Variants in NBEAL1 observed in about 807,000 individuals in gnomAD.
NBEAL1 encodes neurobeachin-like protein 1.
Under a neutral mutation model 351.3 loss-of-function variants are expected in NBEAL1, and 273 were observed. That is an observed-to-expected ratio of 0.78 (90% CI 0.70 to 0.86). The LOEUF (loss-of-function observed/expected upper bound fraction) is 0.86. Ranked by LOEUF, NBEAL1 falls within the 40% of genes least tolerant of loss-of-function variation. NBEAL1 has a pLI of 0.00. For missense variants in NBEAL1, 2,961 were observed against 3,201.3 expected, an observed-to-expected ratio of 0.92 and a Z score of 1.81; for synonymous variants, 1,050 against 1,086.4, an observed-to-expected ratio of 0.97 and a Z score of 0.66.
chr2:203,200,314 C>T (rs1260600316), intron 49 of NBEAL1, among the ~76,000 whole-genome samples: 1 of 152,130 alleles, frequency 6.6e-6, no homozygotes, highest in African/African-American at 2.4e-5. Context: ...AGATCGAGAC[C>T]ATCTTGGCTA....
intron 2 of NBEAL1, among the ~76,000 whole-genome samples, chr2:203,030,446 A>T (rs982637560): frequency 6.6e-6 from 1 of 152,152 alleles, no homozygotes; most frequent in Admixed American, 6.5e-5. Context: ...CCCCAGAGTA[A>T]GTGATCAAAT....
At chr2:203,099,221 A>G (rs1459997636) in intron 11 of NBEAL1, among the ~76,000 whole-genome samples, 1 of 151,618 alleles carries the variant, frequency 6.6e-6, no homozygotes, top group African/African-American at 2.4e-5. Context: ...GGTTGCAGTG[A>G]GCCGAGATTG....
intron 42 of NBEAL1, among the ~76,000 whole-genome samples, chr2:203,177,329 G>T (rs962111936): frequency 6.7e-6 from 1 of 148,864 alleles, no homozygotes; most frequent in Non-Finnish European, 1.5e-5. Context: ...GAGCCCAGGA[G>T]TTCAAGTTCA....
intron 3 of NBEAL1, among the ~76,000 whole-genome samples, chr2:203,048,855 A>T (rs1237881999): frequency 5.3e-5 from 8 of 150,216 alleles, no homozygotes; most frequent in Non-Finnish European, 1.0e-4. Context: ...TCTTCTGTTG[A>T]TGCCCATGCT....
intron 11 of NBEAL1, 120 bp from the exon 12 acceptor site, chr2:203,099,509 A>G (rs1295140062): frequency 1.7e-6 from 1 of 588,566 alleles, no homozygotes; most frequent in Non-Finnish European, 3.0e-6. Context: ...TTTCATCAGA[A>G]GAGGAATGTA....
intron 53 of NBEAL1, among the ~76,000 whole-genome samples, chr2:203,210,187 A>AC (rs1420251661): frequency 6.6e-6 from 1 of 150,994 alleles, no homozygotes; most frequent in Non-Finnish European, 1.5e-5. Context: ...ACATGGTGAA[A>AC]CCCCATCTCT....
intron 24 of NBEAL1, among the ~76,000 whole-genome samples, chr2:203,128,481 A>G (rs955301702): frequency 2.6e-5 from 4 of 152,180 alleles, no homozygotes; most frequent in African/African-American, 9.6e-5. Flanking sequence ...CCAATTAGCT[A>G]GAAAATTTAA....
At chr2:203,188,867 T>TA (rs1041467386) in intron 45 of NBEAL1, among the ~76,000 whole-genome samples, 1 of 152,232 alleles carries the variant, frequency 6.6e-6, no homozygotes, top group African/African-American at 2.4e-5. Context: ...TATTCAGTAT[T>TA]AAACAGTAGC....
Position 203,041,803 on chromosome 2 carries a change from T to C in NBEAL1, c.90T>C (p.Phe30=), listed in dbSNP as rs1197572596. 1 of 1,554,278 alleles carries C rather than the reference T, an allele frequency of 6.4e-7. No individual in the cohort carries two copies. The highest frequency in any genetic ancestry group is 1.2e-5 in the South Asian group (1 of 84,352). ...PDYLKLWLDT[F]VSSYEQFLDV... Reference sequence around the variant, plus strand: ...ACCTGAAGCTGTGGTTGGACACTTTTGTTTCTAGCTATGAACAATTTTTAG... The same window carrying C: ...ACCTGAAGCTGTGGTTGGACACTTTCGTTTCTAGCTATGAACAATTTTTAG... Residue 30 remains phenylalanine (F), a synonymous_variant, in exon 3 of 56, where the codon TTT becomes TTC. Transcript: ENST00000683969.
At position 203,180,454 on chromosome 2, in the gene NBEAL1, T is replaced by G; in HGVS notation, c.6537T>G (p.Asp2179Glu). The G allele has an allele frequency of 6.2e-7, 1 of 1,611,652 alleles. No individual in the cohort carries two copies. Among genetic ancestry groups the G allele is most frequent in the Non-Finnish European group, 8.5e-7 (1 of 1,178,236 alleles). ...TWQALMDNPY[D>E]VKELIPEFFY... ...AAGCTCTTATGGATAATCCATATGA[T>G]GTTAAAGAACTTATTCCTGAATTCT... The change falls in exon 43 of 56, where the codon GAT becomes GAG. Residue 2179 changes from aspartate (D) to glutamate (E), a missense_variant. Transcript: ENST00000683969.
chr2:203,132,101 T>A lies in NBEAL1; in HGVS notation c.3693T>A (p.Ile1231=), dbSNP rs1299020131. ...AAGCACTTGTTAATACTTCTCTTAT[T>A]AAAAACCTCACCCATCAAATCATAA... ...LNEALVNTSL[I]KNLTHQIINT... Residue 1231 remains isoleucine (I), a synonymous_variant, in exon 26 of 56, where the codon ATT becomes ATA. Coordinates refer to ENST00000683969, the MANE Select transcript of NBEAL1 (RefSeq NM_001378026.1). 9.1e-6 allele frequency: 14 copies of A among 1,539,666 alleles called. No individual in the cohort carries two copies. Among genetic ancestry groups the A allele is most frequent in the Non-Finnish European group, 1.1e-5 (13 of 1,137,108 alleles).
At chr2:203,071,156 T>C (rs1172228876) in intron 7 of NBEAL1, among the ~76,000 whole-genome samples, 4 of 152,232 alleles carry the variant, frequency 2.6e-5, no homozygotes, top group Non-Finnish European at 1.5e-5. Flanking sequence ...ATGTCTTGTA[T>C]GGTTTTTGTC....
At chr2:203,087,257 T>C (rs941352940) in intron 10 of NBEAL1, among the ~76,000 whole-genome samples, 4 of 151,442 alleles carry the variant, frequency 2.6e-5, no homozygotes, top group African/African-American at 9.7e-5. Context: ...CGTGCCCGGC[T>C]AATTTTCATA....
chr2:203,140,050 C>T (rs1202469899), intron 31 of NBEAL1, among the ~76,000 whole-genome samples: 1 of 151,872 alleles, frequency 6.6e-6, no homozygotes, highest in Non-Finnish European at 1.5e-5. Flanking sequence ...CCTGTAATCC[C>T]AGTACTTTGG....
At chr2:203,034,159 CTTT>C (rs1166429847) in intron 2 of NBEAL1, among the ~76,000 whole-genome samples, 6 of 134,992 alleles carry the variant, frequency 4.4e-5, no homozygotes, top group Admixed American at 1.5e-4. Context: ...TTGGCCTGTA[CTTT>C]TTTTTTTTTT....
chr2:203,152,633 C>A (rs1162570491), intron 35 of NBEAL1, among the ~76,000 whole-genome samples: 1 of 151,848 alleles, frequency 6.6e-6, no homozygotes, highest in Non-Finnish European at 1.5e-5. Flanking sequence ...CAAAACAGAT[C>A]TTAACGGGTT....
At chr2:203,072,970 T>C (rs1360798317) in intron 7 of NBEAL1, among the ~76,000 whole-genome samples, 1 of 152,196 alleles carries the variant, frequency 6.6e-6, no homozygotes, top group African/African-American at 2.4e-5. Context: ...CAGGGTTCTC[T>C]TTTCCTCTGT....
chr2:203,191,013 T>C, intron 46 of NBEAL1: 1 of 1,604,218 alleles, frequency 6.2e-7, no homozygotes, highest in Non-Finnish European at 8.5e-7. Context: ...CTTCTGCCTC[T>C]GCCCTGATCA....
chr2:203,059,183 G>A (rs1474488716), intron 6 of NBEAL1, among the ~76,000 whole-genome samples: 1 of 152,108 alleles, frequency 6.6e-6, no homozygotes, highest in African/African-American at 2.4e-5. Flanking sequence ...TATATACTAT[G>A]TGGTAACACC....
Sources: gnomAD v4.1 joint callset for allele counts (sites outside exome capture counted in the v4.1 genomes callset) on GRCh38, gnomAD v4.1.1 for gene constraint, MANE v1.5 for transcripts, NCBI Gene and HGNC (gene_info 2026-07-23, HGNC 2026-07-21) for gene names.